The following ZNF670 variants were observed in gnomAD, a reference collection of about 807,000 sequenced individuals.
ZNF670 encodes the protein zinc finger protein 670.
Under a neutral mutation model 10.9 loss-of-function variants are expected in ZNF670, and 7 were observed. The ratio of observed to expected loss-of-function variants is 0.64; its 90% confidence interval spans 0.36 to 1.20. The LOEUF (loss-of-function observed/expected upper bound fraction) is 1.20. ZNF670 is among the 50% of genes most tolerant of loss of function. ZNF670 has a pLI of 0.02. For synonymous variants in ZNF670, 136 were observed against 152.7 expected (o/e 0.89, Z 0.81); for missense variants, 446 against 458.6 (o/e 0.97, Z 0.25).
At chr1:247,057,273 G>A (rs1341896118) in intron 1 of ZNF670, among the ~76,000 whole-genome samples, 1 of 152,176 alleles carries the variant, frequency 6.6e-6, no homozygotes, top group African/African-American at 2.4e-5. Context: ...CTGATCATCA[G>A]AGAAATGCAA....
intron 1 of ZNF670, among the ~76,000 whole-genome samples, chr1:247,065,049 C>T (rs1164979862): frequency 6.6e-6 from 1 of 152,134 alleles, no homozygotes; most frequent in South Asian, 2.1e-4. Flanking sequence ...CTCAAGTGAT[C>T]CACCTGCCTC....
At chr1:247,065,780 CAAAT>C (rs1186221484) in intron 1 of ZNF670, among the ~76,000 whole-genome samples, 2 of 152,008 alleles carry the variant, frequency 1.3e-5, no homozygotes, top group African/African-American at 4.8e-5. Context: ...AATAAAGAAA[CAAAT>C]AAGGCTAAGT....
chr1:247,039,061 T>TTTTC (rs1491341994), intron 2 of ZNF670, among the ~76,000 whole-genome samples, 191 bp from the exon 3 acceptor site: 2 of 33,008 alleles, frequency 6.1e-5, no homozygotes, highest in Non-Finnish European at 1.2e-4. Flanking sequence ...TCTTTCTTTC[T>TTTTC]TTTTTTTTTT....
chr1:247,038,493 G>C, intron 3 of ZNF670, 66 bp from the exon 4 acceptor site: 4 of 1,478,012 alleles, frequency 2.7e-6, no homozygotes, highest in Non-Finnish European at 3.6e-6. Context: ...CTAATACCAT[G>C]GAAAATGCAA....
At chr1:247,044,408 A>G (rs908042759) in intron 1 of ZNF670, among the ~76,000 whole-genome samples, 1 of 152,236 alleles carries the variant, frequency 6.6e-6, no homozygotes, top group Non-Finnish European at 1.5e-5. Context: ...GATTTCTCAA[A>G]AAACTTAAAA....
At chr1:247,052,791 G>C (rs1670629623) in intron 1 of ZNF670, among the ~76,000 whole-genome samples, 1 of 152,130 alleles carries the variant, frequency 6.6e-6, no homozygotes, top group Non-Finnish European at 1.5e-5. Context: ...ATATCAGCTT[G>C]CCCTAAAGTC....
chr1:247,056,700 G>C (rs1670722660), intron 1 of ZNF670, among the ~76,000 whole-genome samples: 1 of 152,132 alleles, frequency 6.6e-6, no homozygotes, highest in African/African-American at 2.4e-5. Context: ...AGGAGTTCGA[G>C]ACCAGTGAAC....
At chr1:247,065,261 C>A (rs960665197) in intron 1 of ZNF670, among the ~76,000 whole-genome samples, 25 of 152,158 alleles carry the variant, frequency 1.6e-4, no homozygotes, top group Admixed American at 7.2e-4. Flanking sequence ...AGATAAGGAG[C>A]CTGTTTCACC....
At chr1:247,052,838 G>A (rs2103060587) in intron 1 of ZNF670, among the ~76,000 whole-genome samples, 1 of 152,280 alleles carries the variant, frequency 6.6e-6, no homozygotes. Flanking sequence ...GGTAATGGGT[G>A]GGGTCATAGA....
intron 1 of ZNF670, chr1:247,043,495 T>C: frequency 3.1e-6 from 2 of 652,226 alleles, no homozygotes; most frequent in East Asian, 4.5e-5. Context: ...TTCTCAAAAA[T>C]AACAAAAGCT....
intron 1 of ZNF670, among the ~76,000 whole-genome samples, chr1:247,041,762 G>T (rs745553515): frequency 6.6e-6 from 1 of 152,182 alleles, no homozygotes; most frequent in Non-Finnish European, 1.5e-5. Flanking sequence ...TAAAATGGAC[G>T]GCTGAATTAA....
At chr1:247,051,263 A>C (rs1202404623) in intron 1 of ZNF670, among the ~76,000 whole-genome samples, 10 of 131,954 alleles carry the variant, frequency 7.6e-5, no homozygotes, top group Admixed American at 4.3e-4. Context: ...CCAAGAAAAA[A>C]AAAAACAAAA....
rs150721271 is a variant in ZNF670, at chr1:247,037,828, C to T, written c.791G>A (p.Arg264His). Residue 264 changes from arginine (R) to histidine (H), a missense_variant, in exon 4 of 4, where the codon CGT becomes CAT. Arg to His is a conservative substitution (Grantham distance 29). Coordinates refer to ENST00000366503, the MANE Select transcript of ZNF670 (RefSeq NM_033213.5). ...TTCATGTATTCCCAAGTAAGTGGAA[C>T]GACTGAAGGCTTTGCCACATTCCTT... ...ECKECGKAFS[R>H]STYLGIHERT... 47 of 1,612,684 alleles carry T rather than the reference C, an allele frequency of 2.9e-5. No individual in the cohort carries two copies. The highest frequency in any genetic ancestry group is 1.2e-4 in the African/African-American group (9 of 74,814).
chr1:247,037,104 C>T lies in ZNF670; in HGVS notation c.*345G>A. ...TCATGTACTATGGCTTATAAAGTAT[C>T]TGTGAAATTCTCAGCTCCATGATTC... is the stretch of plus-strand genomic sequence containing the variant. On this transcript the variant is annotated 3_prime_UTR_variant, in exon 4 of 4. Coordinates refer to ENST00000366503, the MANE Select transcript of ZNF670 (RefSeq NM_033213.5). 5.0e-6 allele frequency: 1 copy of T among 198,554 alleles called. No individual in the cohort carries two copies. The highest frequency in any genetic ancestry group is 1.0e-5 in the Non-Finnish European group (1 of 97,556). 12.3% of individuals were successfully genotyped at this position (198,554 alleles called of 1,614,324 possible). A position where few individuals can be genotyped will look rare whatever the true frequency, so the allele number is the denominator to read the frequency against.
At chr1:247,043,326 G>T in intron 1 of ZNF670, 1 of 587,956 alleles carries the variant, frequency 1.7e-6, no homozygotes, top group South Asian at 1.6e-5. Context: ...ACTGTCTTCG[G>T]TGGTATATTC....
intron 1 of ZNF670, among the ~76,000 whole-genome samples, chr1:247,046,603 C>G (rs1372886533): frequency 1.3e-5 from 2 of 152,182 alleles, no homozygotes; most frequent in Non-Finnish European, 2.9e-5. Flanking sequence ...GGTGCCCAGG[C>G]AGAAGCCTGA....
At chr1:247,049,545 C>A (rs1670542880) in intron 1 of ZNF670, among the ~76,000 whole-genome samples, 1 of 151,864 alleles carries the variant, frequency 6.6e-6, no homozygotes, top group Non-Finnish European at 1.5e-5. Flanking sequence ...TTTGTTAGTT[C>A]TTTTATTCTG....
chr1:247,053,748 C>A (rs1454127880), intron 1 of ZNF670, among the ~76,000 whole-genome samples: 2 of 152,088 alleles, frequency 1.3e-5, no homozygotes, highest in African/African-American at 4.8e-5. Flanking sequence ...AAAAACAAAA[C>A]AAACAAACAA....
rs1467800099 is a variant in ZNF670 at position 247,035,480 on chromosome 1, G to C, written c.*1969C>G. 3.3e-5 allele frequency among the ~76,000 whole-genome samples: 5 copies of C among 152,166 alleles called. No individual in the cohort carries two copies. The highest frequency in any genetic ancestry group is 7.3e-5 in the Non-Finnish European group (5 of 68,034). On this transcript the variant is annotated 3_prime_UTR_variant, in exon 4 of 4. Transcript: ENST00000366503. The stretch of plus-strand genomic sequence containing the variant: ...ATTGGTTTGTTTAAATGCATCTGTG[G>C]AATGGTAGGCAACTGAAATATGTTA...
Sources: allele counts gnomAD v4.1 joint callset (sites outside exome capture counted in the v4.1 genomes callset), GRCh38; gene constraint gnomAD v4.1.1; transcripts MANE v1.5; gene names NCBI Gene and HGNC (gene_info 2026-07-23, HGNC 2026-07-21).